The following TNKS variants were observed in gnomAD, a reference collection of about 807,000 sequenced individuals.
The protein encoded by TNKS is poly [ADP-ribose] polymerase tankyrase-1.
Under a neutral mutation model 135.8 loss-of-function variants are expected in TNKS, and 72 were observed. That is an observed-to-expected ratio of 0.53 (90% confidence interval 0.44 to 0.64). The LOEUF is 0.64. TNKS is among the 30% of genes least tolerant of loss of function. The probability of loss-of-function intolerance (pLI) is 0.00; values close to 1 mark genes in which losing one functional copy is unlikely to be tolerated. For missense variants in TNKS, 1,769 were observed against 1,674.0 expected (o/e 1.06, Z -0.99); for synonymous variants, 849 against 649.3 (o/e 1.31, Z -4.68).
At chr8:9,634,229 A>T (rs1469850990) in intron 3 of TNKS, among the ~76,000 whole-genome samples, 1 of 152,008 alleles carries the variant, frequency 6.6e-6, no homozygotes, top group African/African-American at 2.4e-5. Context: ...CCATTTTGGT[A>T]TAATTTTAAT....
At chr8:9,710,336 G>T (rs1332933498) in intron 11 of TNKS, 116 bp downstream of exon 11, 1 of 897,214 alleles carries the variant, frequency 1.1e-6, no homozygotes, top group Admixed American at 2.3e-5. Flanking sequence ...AGGACTATTA[G>T]TTCGTACTTA....
chr8:9,609,860 TC>T (rs1381624081), intron 2 of TNKS, among the ~76,000 whole-genome samples: 5 of 152,190 alleles, frequency 3.3e-5, no homozygotes, highest in Non-Finnish European at 5.9e-5. Context: ...TTTCTTTTTT[TC>T]TTTTTTTTCT....
intron 11 of TNKS, among the ~76,000 whole-genome samples, chr8:9,713,704 G>A (rs1804445362): frequency 6.6e-6 from 1 of 152,190 alleles, no homozygotes; most frequent in South Asian, 2.1e-4. Context: ...ATTGCTATCA[G>A]TAGATATCAA....
In TNKS at chr8:9,678,749, G is replaced by C. The variant is rs536420120; in HGVS notation, c.995-1202G>C. The stretch of plus-strand genomic sequence containing the variant: ...TCTGCATTCTTTAGCAAAACAAAAT[G>C]CGAAGTCCATATTTACACATAAGAT... On this transcript the variant is annotated intron_variant, in intron 3 of 26. Transcript: ENST00000310430. Among the ~76,000 whole-genome samples, 4 of 152,190 alleles carry C rather than the reference G, an allele frequency of 2.6e-5. No individual in the cohort carries two copies. The South Asian group carries it at 8.3e-4, about 32-fold the overall frequency.
chr8:9,577,835 C>G (rs1300185570), intron 1 of TNKS, among the ~76,000 whole-genome samples: 2 of 152,288 alleles, frequency 1.3e-5, no homozygotes, highest in East Asian at 3.9e-4. Context: ...CCAGCATTAA[C>G]TCAAAAGTCC....
At chr8:9,612,158 C>G (rs1799486802) in intron 2 of TNKS, among the ~76,000 whole-genome samples, 1 of 151,992 alleles carries the variant, frequency 6.6e-6, no homozygotes, top group Non-Finnish European at 1.5e-5. Flanking sequence ...TCTTGTGTGC[C>G]CTGGCTCAGT....
intron 24 of TNKS, 116 bp from the exon 25 acceptor site, chr8:9,766,123 T>G: frequency 1.1e-6 from 1 of 877,658 alleles, no homozygotes; most frequent in Non-Finnish European, 1.7e-6. Context: ...GAAAATACTT[T>G]TCATTTATAC....
intron 13 of TNKS, 23 bp from the exon 14 acceptor site, chr8:9,730,867 T>A (rs1453915288): frequency 6.2e-7 from 1 of 1,605,130 alleles, no homozygotes; most frequent in Admixed American, 1.7e-5. Context: ...TTTGTGTTTG[T>A]CTTTGTGTGT....
intron 1 of TNKS, among the ~76,000 whole-genome samples, chr8:9,568,207 C>G (rs1353288913): frequency 1.3e-5 from 2 of 152,150 alleles, no homozygotes; most frequent in Non-Finnish European, 2.9e-5. Context: ...GTTTAATTAA[C>G]ATTCACTGGG....
intron 12 of TNKS, among the ~76,000 whole-genome samples, chr8:9,723,298 A>G (rs925283591): frequency 6.6e-6 from 1 of 152,086 alleles, no homozygotes; most frequent in Non-Finnish European, 1.5e-5. Flanking sequence ...TTAACCCAAT[A>G]TCAGGTTATA....
chr8:9,605,021 T>C (rs939433128), intron 2 of TNKS, among the ~76,000 whole-genome samples: 1 of 152,060 alleles, frequency 6.6e-6, no homozygotes, highest in African/African-American at 2.4e-5. Context: ...ATCAACTTTA[T>C]CAAGTTTGAA....
chr8:9,605,682 T>G (rs1205277950), intron 2 of TNKS, among the ~76,000 whole-genome samples: 1 of 152,108 alleles, frequency 6.6e-6, no homozygotes, highest in Non-Finnish European at 1.5e-5. Context: ...TTAGTTTGTA[T>G]TTTTCTGTTG....
intron 20 of TNKS, among the ~76,000 whole-genome samples, chr8:9,758,726 T>A (rs1227213266): frequency 6.6e-6 from 1 of 152,220 alleles, no homozygotes; most frequent in African/African-American, 2.4e-5. Flanking sequence ...GTTGGTTGAC[T>A]GGCCTTGATT....
intron 5 of TNKS, among the ~76,000 whole-genome samples, chr8:9,686,838 C>T (rs534082020): frequency 6.7e-6 from 1 of 148,394 alleles, no homozygotes; most frequent in Admixed American, 6.8e-5. Flanking sequence ...CAAATTTTAT[C>T]ATATCTCTGA....
intron 3 of TNKS, among the ~76,000 whole-genome samples, chr8:9,656,068 A>G (rs1206719784): frequency 1.3e-5 from 2 of 152,226 alleles, no homozygotes; most frequent in South Asian, 2.1e-4. Context: ...GGAGCTGAAA[A>G]CCACGGCACG....
chr8:9,612,995 T>G (rs1313467749), intron 2 of TNKS, among the ~76,000 whole-genome samples: 1 of 152,188 alleles, frequency 6.6e-6, no homozygotes, highest in Non-Finnish European at 1.5e-5. Context: ...CCTCATCGTC[T>G]TCCCATTGAG....
At chr8:9,619,715 A>C (rs1799791695) in intron 3 of TNKS, among the ~76,000 whole-genome samples, 1 of 152,044 alleles carries the variant, frequency 6.6e-6, no homozygotes, top group African/African-American at 2.4e-5. Context: ...GGCCACCGGC[A>C]ATATTGAGGT....
At chr8:9,658,041 T>G (rs1182730269) in intron 3 of TNKS, among the ~76,000 whole-genome samples, 4 of 54,420 alleles carry the variant, frequency 7.4e-5, no homozygotes, top group African/African-American at 1.6e-4. Context: ...TCTCAGACGA[T>G]GGGCGGCCGG....
At chr8:9,627,112 C>G (rs945574376) in intron 3 of TNKS, among the ~76,000 whole-genome samples, 1 of 152,136 alleles carries the variant, frequency 6.6e-6, no homozygotes, top group African/African-American at 2.4e-5. Context: ...GTAATGAAGC[C>G]TCCATGAAGA....
Sources: gnomAD v4.1 joint callset for allele counts (sites outside exome capture counted in the v4.1 genomes callset) on GRCh38, gnomAD v4.1.1 for gene constraint, MANE v1.5 for transcripts, NCBI Gene and HGNC (gene_info 2026-07-23, HGNC 2026-07-21) for gene names.